CLEC12A: variants seen among roughly 807,000 people sequenced by gnomAD.
CLEC12A encodes C-type lectin protein CLL-1.
Under a neutral mutation model 26.5 loss-of-function variants are expected in CLEC12A, and 22 were observed. The observed-to-expected ratio is 0.83, with a 90% CI of 0.59 to 1.19. CLEC12A has a LOEUF of 1.19. Ranked by LOEUF, CLEC12A falls within the 50% of genes most tolerant of loss-of-function variation. The probability of loss-of-function intolerance (pLI) is 0.00; values close to 1 mark genes in which losing one functional copy is unlikely to be tolerated. For missense variants in CLEC12A, 353 were observed against 315.6 expected (o/e 1.12, Z -0.90); for synonymous variants, 119 against 101.9 (o/e 1.17, Z -1.01).
intron 1 of CLEC12A, chr12:9,951,888 G>C (rs1003772410): frequency 6.4e-6 from 1 of 157,296 alleles, no homozygotes; most frequent in Non-Finnish European, 1.4e-5. Flanking sequence ...GACAGTCTTT[G>C]AATTGTAGCA....
At chr12:9,980,508 C>T in intron 3 of CLEC12A, 74 bp from the exon 4 acceptor site, 2 of 1,367,362 alleles carry the variant, frequency 1.5e-6, no homozygotes, top group Non-Finnish European at 2.0e-6. Flanking sequence ...CAATGTCACA[C>T]AGAGAGGAAA....
the CLEC12A span, among the ~76,000 whole-genome samples, chr12:10,004,909 T>C: frequency 1.4e-5 from 2 of 147,286 alleles, no homozygotes; most frequent in African/African-American, 2.5e-5. Context: ...ATGCTATCCC[T>C]CCCCACTCCC....
rs531603406 is a variant in CLEC12A, at chr12:9,958,923, A to C, written c.10+7567A>C. ...CAGATCTCAGTTATAGATTACAAGA[A>C]GTTAATCACTCATGTTTTTAGATGA... is the stretch of plus-strand genomic sequence containing the variant. On this transcript the variant is annotated intron_variant, in intron 1 of 6. Coordinates refer to the CLEC12A transcript ENST00000355690. Among the ~76,000 whole-genome samples the C allele has an allele frequency of 1.7e-4, 26 of 152,358 alleles. No homozygotes were observed. The South Asian group carries it at 2.1e-3, about 12-fold the overall frequency.
intron 1 of CLEC12A, among the ~76,000 whole-genome samples, chr12:9,965,113 GA>G (rs1200834592): frequency 1.3e-5 from 2 of 152,154 alleles, no homozygotes; most frequent in Non-Finnish European, 2.9e-5. Context: ...CATAGTTTGT[GA>G]TTTTTTGGGC....
rs1864578789 is a variant in CLEC12A at position 9,982,046 on chromosome 12, ATATGAC to A, written c.562_567del (p.Asp188_Tyr189del). 6.3e-7 allele frequency: 1 copy of A among 1,588,216 alleles called. No homozygotes were observed. Among genetic ancestry groups the A allele is most frequent in the Admixed American group, 1.7e-5 (1 of 59,770 alleles). On this transcript the variant is annotated inframe_deletion, in exon 5 of 6. Transcript: ENST00000304361. ...AATTTATAAAATCCCAGAGTAGATC[ATATGAC>A]TATTGGCTGGGATTATCTCCTGAAG...
Position 9,979,463 on chromosome 12 carries a change from C to T in CLEC12A, c.318C>T (p.Leu106=). 1 of 1,613,470 alleles carries T rather than the reference C, an allele frequency of 6.2e-7. No homozygotes were observed. ...NMNISNKIRN[L]STTLQTIATK... ...ATATCTCCAACAAGATCAGGAACCTCTCCACCACACTGCAAACAATAGCCA... is the reference window on the plus strand; with the variant it reads ...ATATCTCCAACAAGATCAGGAACCTTTCCACCACACTGCAAACAATAGCCA... Residue 106 remains leucine, a synonymous_variant, in exon 3 of 6, where the codon CTC becomes CTT. Transcript: ENST00000304361.
At chr12:9,976,545 C>A (rs574835378) in intron 1 of CLEC12A, among the ~76,000 whole-genome samples, 1 of 152,172 alleles carries the variant, frequency 6.6e-6, no homozygotes, top group Non-Finnish European at 1.5e-5. Flanking sequence ...TAGGAAGTAA[C>A]TAACTTTCTT....
At chr12:9,980,470 A>G in intron 3 of CLEC12A, 112 bp from the exon 4 acceptor site, 1 of 1,127,902 alleles carries the variant, frequency 8.9e-7, no homozygotes, top group Non-Finnish European at 1.3e-6. Context: ...AGAAAGAAAA[A>G]GAAAGAAGAA....
chr12:9,968,045 A>G (rs612270), upstream of CLEC12A, among the ~76,000 whole-genome samples: 87,473 of 151,984 alleles, frequency 0.58, 25,510 homozygotes, highest in South Asian at 0.72. Flanking sequence ...TTGAAGGGTG[A>G]TGCCAAGATT....
rs2137194912 is a variant in CLEC12A at position 9,982,092 on chromosome 12, G to T, written c.604G>T (p.Gly202Cys). Residue 202 changes from glycine to cysteine, a missense_variant, in exon 5 of 6, where the codon GGT becomes TGT. By Grantham distance (159) the Gly-to-Cys change is radical (BLOSUM62 -3). Coordinates refer to ENST00000304361, the MANE Select transcript of CLEC12A (RefSeq NM_138337.6). ...ATCTCCTGAAGAAGATTCCACTCGTGGTATGAGAGTGGATAATATAATCAA... is the reference window on the plus strand; with the variant it reads ...ATCTCCTGAAGAAGATTCCACTCGTTGTATGAGAGTGGATAATATAATCAA... ...GLSPEEDSTR[G>C]MRVDNIINSS... The T allele has an allele frequency of 6.3e-7, 1 of 1,591,472 alleles. No individual in the cohort carries two copies. Among genetic ancestry groups the T allele is most frequent in the East Asian group, 2.2e-5 (1 of 44,578 alleles).
intron 3 of CLEC12A, 46 bp from the exon 4 acceptor site, chr12:9,980,536 T>C: frequency 1.3e-6 from 2 of 1,562,672 alleles, no homozygotes; most frequent in Non-Finnish European, 1.7e-6. Context: ...ATAAGAATTA[T>C]TATGACTATC....
At chr12:9,978,477 G>T (rs919731994) in intron 1 of CLEC12A, among the ~76,000 whole-genome samples, 1 of 150,312 alleles carries the variant, frequency 6.7e-6, no homozygotes, top group African/African-American at 2.5e-5. Context: ...AGCCTATCTT[G>T]TTCATTCTGC....
downstream of CLEC12A, chr12:9,998,961 A>G (rs958683317): frequency 1.8e-5 from 15 of 844,656 alleles, no homozygotes; most frequent in Admixed American, 1.2e-4. Context: ...TATATTATCA[A>G]TAGTAGAAAA....
At chr12:9,972,890 T>C (rs1462360670) in intron 1 of CLEC12A, among the ~76,000 whole-genome samples, 3 of 152,150 alleles carry the variant, frequency 2.0e-5, no homozygotes, top group Non-Finnish European at 2.9e-5. Flanking sequence ...AGAATGGGCA[T>C]ATCATGAGCC....
At chr12:9,994,951 A>T in intron 4 of CLEC12A, 1 of 1,444,046 alleles carries the variant, frequency 6.9e-7, no homozygotes. Context: ...GGCTTAGATA[A>T]AGAGCAAAGT....
intron 1 of CLEC12A, among the ~76,000 whole-genome samples, chr12:9,955,026 T>A (rs1418821883): frequency 1.3e-5 from 2 of 152,200 alleles, no homozygotes; most frequent in Non-Finnish European, 2.9e-5. Context: ...TTAATGTCGT[T>A]AGGTTAATAA....
downstream of CLEC12A, chr12:9,996,798 G>T (rs776324413): frequency 1.3e-6 from 2 of 1,598,424 alleles, no homozygotes; most frequent in Admixed American, 3.3e-5. Context: ...TTACATTTGA[G>T]GTTTCTCTTC....
At chr12:10,003,985 A>G in the CLEC12A span, among the ~76,000 whole-genome samples, 7 of 152,204 alleles carry the variant, frequency 4.6e-5, no homozygotes, top group African/African-American at 1.7e-4. Flanking sequence ...TGATTGAGGG[A>G]AATAGTGTGA....
the CLEC12A span, among the ~76,000 whole-genome samples, chr12:10,001,681 C>T: frequency 6.6e-6 from 1 of 152,182 alleles, no homozygotes; most frequent in African/African-American, 2.4e-5. Context: ...AAGCAGAGAA[C>T]TGCAGGAAAG....
Sources: gnomAD v4.1 joint callset for allele counts (sites outside exome capture counted in the v4.1 genomes callset) on GRCh38, gnomAD v4.1.1 for gene constraint, MANE v1.5 for transcripts, NCBI Gene and HGNC (gene_info 2026-07-23, HGNC 2026-07-21) for gene names.